BRINP3: variants seen among roughly 807,000 people sequenced by gnomAD.
BRINP3 encodes BMP/retinoic acid inducible neural specific 3.
In BRINP3, 19 loss-of-function variants were observed where a neutral mutation model predicts 71.0. That is an observed-to-expected ratio of 0.27 (90% CI 0.19 to 0.39). The LOEUF is 0.39. BRINP3 is among the 10% of genes least tolerant of loss of function. The pLI is 1.00. For synonymous variants in BRINP3, 380 were observed against 337.7 expected (o/e 1.13, Z -1.37); for missense variants, 959 against 940.8 (o/e 1.02, Z -0.25).
At position 190,309,983 on chromosome 1, in the gene BRINP3, A is replaced by C. The variant is rs951515963; in HGVS notation, c.237-28233T>G. On this transcript the variant is annotated intron_variant, in intron 2 of 7. Coordinates refer to ENST00000367462, the MANE Select transcript of BRINP3 (RefSeq NM_199051.3). ...CCAGATTTCATAGAGATCCCTTCAGAGTCTGCAGCTGGAATACATGGAGTA... is the reference window on the plus strand; with the variant it reads ...CCAGATTTCATAGAGATCCCTTCAGCGTCTGCAGCTGGAATACATGGAGTA... 1.5e-4 allele frequency among the ~76,000 whole-genome samples: 23 copies of C among 151,714 alleles called. No individual in the cohort carries two copies. The Admixed American group carries it at 1.5e-3, about 10-fold the overall frequency.
intron 2 of BRINP3, among the ~76,000 whole-genome samples, chr1:190,408,248 G>A (rs1672434335): frequency 6.6e-6 from 1 of 150,494 alleles, no homozygotes; most frequent in Admixed American, 6.6e-5. Flanking sequence ...GTTTCACCGT[G>A]TTAGCCAGGA....
chr1:190,099,958 A>C (rs1651554893), intron 7 of BRINP3, among the ~76,000 whole-genome samples: 2 of 152,180 alleles, frequency 1.3e-5, no homozygotes, highest in South Asian at 2.1e-4. Context: ...TCTTAAAACC[A>C]GTAAAATAAT....
At chr1:190,422,698 C>A (rs189878134) in intron 2 of BRINP3, among the ~76,000 whole-genome samples, 16 of 151,742 alleles carry the variant, frequency 1.1e-4, no homozygotes, top group Non-Finnish European at 1.5e-5. Context: ...AGCTGAAGTT[C>A]GCTTTTTGAA....
At position 190,301,178 on chromosome 1, in the gene BRINP3, T is replaced by TATATATGTATATATATACATATATATAC. The variant is rs1553283671; in HGVS notation, c.237-19429_237-19428insGTATATATATGTATATATATACATATAT. 1.5e-3 allele frequency among the ~76,000 whole-genome samples: 61 copies of TATATATGTATATATATACATATATATAC among 41,454 alleles called. 1 individual carries two copies. In the East Asian group the frequency reaches 0.024, roughly 16 times the overall value. The allele number at this position is 41,454 out of a possible 152,430, so 27.2% of individuals were successfully genotyped here. A position where few individuals can be genotyped will look rare whatever the true frequency, so the allele number is the denominator to read the frequency against. On this transcript the variant is annotated intron_variant, in intron 2 of 7. Transcript: ENST00000367462. The stretch of plus-strand genomic sequence containing the variant: ...ACATATATATATACATATATATACA[T>TATATATGTATATATATACATATATATAC]ATATATATGTATATATATACACATA...
chr1:190,409,584 G>A (rs1390259767), intron 2 of BRINP3, among the ~76,000 whole-genome samples: 1 of 152,112 alleles, frequency 6.6e-6, no homozygotes, highest in African/African-American at 2.4e-5. Context: ...CTTGATGGAG[G>A]AGGTTTCAAG....
At chr1:190,147,188 A>T (rs1655964005) in intron 7 of BRINP3, among the ~76,000 whole-genome samples, 1 of 152,098 alleles carries the variant, frequency 6.6e-6, no homozygotes, top group Non-Finnish European at 1.5e-5. Flanking sequence ...TATGCATGCC[A>T]TCCACAACTA....
intron 7 of BRINP3, among the ~76,000 whole-genome samples, chr1:190,141,771 G>C (rs1655472043): frequency 1.3e-5 from 2 of 151,526 alleles, no homozygotes; most frequent in African/African-American, 4.8e-5. Flanking sequence ...TGTTGGTCAG[G>C]CTGGTCTCAA....
intron 2 of BRINP3, among the ~76,000 whole-genome samples, chr1:190,335,146 G>A (rs1200061270): frequency 6.6e-6 from 1 of 151,828 alleles, no homozygotes; most frequent in East Asian, 1.9e-4. Flanking sequence ...CTTGGGTAAA[G>A]TGGAACAAAA....
At position 190,442,254 on chromosome 1, in the gene BRINP3, T is replaced by A. The variant is rs190415935; in HGVS notation, c.236+12401A>T. On this transcript the variant is annotated intron_variant, in intron 2 of 7. Coordinates refer to ENST00000367462, the MANE Select transcript of BRINP3 (RefSeq NM_199051.3). ...TTTATGAATTTTAATGAGGTATGTT[T>A]ATTTAAATCTAATTTTCTATTCTGT... Among the ~76,000 whole-genome samples the A allele has an allele frequency of 3.3e-3, 505 of 152,338 alleles. 1 individual carries two copies. The highest frequency in any genetic ancestry group is 4.7e-3 in the Non-Finnish European group (320 of 68,022).
intron 6 of BRINP3, among the ~76,000 whole-genome samples, chr1:190,174,877 G>A (rs1183096948): frequency 6.6e-6 from 1 of 152,060 alleles, no homozygotes; most frequent in African/African-American, 2.4e-5. Flanking sequence ...CAGTTATCAT[G>A]TGATTTTTCC....
intron 5 of BRINP3, among the ~76,000 whole-genome samples, chr1:190,227,429 A>G (rs763601491): frequency 2.6e-5 from 4 of 151,846 alleles, no homozygotes; most frequent in Non-Finnish European, 5.9e-5. Context: ...TGGAATAAAT[A>G]TTTATTGAAC....
At chr1:190,446,637 G>A (rs549338127) in intron 2 of BRINP3, among the ~76,000 whole-genome samples, 2 of 152,016 alleles carry the variant, frequency 1.3e-5, no homozygotes, top group Non-Finnish European at 2.9e-5. Flanking sequence ...TATTTGTTCT[G>A]ATGTTTCCAT....
chr1:190,319,998 T>C (rs1437823824), intron 2 of BRINP3, among the ~76,000 whole-genome samples: 1 of 152,108 alleles, frequency 6.6e-6, no homozygotes, highest in Admixed American at 6.6e-5. Context: ...TGTTTAAATT[T>C]TGATCTTTGT....
intron 6 of BRINP3, among the ~76,000 whole-genome samples, chr1:190,178,394 A>G (rs1247725221): frequency 2.0e-5 from 3 of 152,140 alleles, no homozygotes; most frequent in Non-Finnish European, 4.4e-5. Flanking sequence ...TGTTATAAAC[A>G]TTTGCAGTTT....
chr1:190,263,609 A>G (rs1661386766), intron 4 of BRINP3, among the ~76,000 whole-genome samples: 1 of 87,288 alleles, frequency 1.1e-5, no homozygotes, highest in Non-Finnish European at 2.6e-5. Flanking sequence ...TTTTTTTTTG[A>G]AACAGAGTCT....
intron 7 of BRINP3, among the ~76,000 whole-genome samples, chr1:190,143,284 CACTT>C (rs149216900): frequency 0.015 from 2,213 of 152,146 alleles, 50 homozygotes; most frequent in African/African-American, 0.05. Flanking sequence ...TGTGTCCACT[CACTT>C]CAGTTTGGTT....
rs35203510 is a variant in BRINP3, at chr1:190,296,753, A to G, written c.237-15003T>C. Among the ~76,000 whole-genome samples the G allele has an allele frequency of 7.6e-3, 1,160 of 152,218 alleles. 7 individuals carry two copies. Among genetic ancestry groups the G allele is most frequent in the Middle Eastern group, 0.014 (4 of 294 alleles). On this transcript the variant is annotated intron_variant, in intron 2 of 7. Transcript: ENST00000367462. Reference sequence around the variant, plus strand: ...ACAAAAATCAGTACCATTCCTATACACTAACAAAGAACTATCCACAAAAGG... The same window carrying G: ...ACAAAAATCAGTACCATTCCTATACGCTAACAAAGAACTATCCACAAAAGG...
intron 7 of BRINP3, among the ~76,000 whole-genome samples, chr1:190,155,622 G>T (rs2102438833): frequency 6.6e-6 from 1 of 151,886 alleles, no homozygotes; most frequent in East Asian, 1.9e-4. Flanking sequence ...ATTTGGCTCT[G>T]TTCCCCTACT....
intron 2 of BRINP3, among the ~76,000 whole-genome samples, chr1:190,405,800 C>G (rs12405768): frequency 0.025 from 3,787 of 152,254 alleles, 87 homozygotes; most frequent in South Asian, 0.12. Context: ...TTTACCACGC[C>G]AGACATGCTA....
Sources: allele counts gnomAD v4.1 joint callset (sites outside exome capture counted in the v4.1 genomes callset), GRCh38; gene constraint gnomAD v4.1.1; transcripts MANE v1.5; gene names NCBI Gene and HGNC (gene_info 2026-07-23, HGNC 2026-07-21).